PCDH15: variants seen among roughly 807,000 people sequenced by gnomAD.
PCDH15 encodes the protein protocadherin-15.
In PCDH15, 129 loss-of-function variants were observed where a neutral mutation model predicts 178.5. The observed-to-expected ratio is 0.72, with a 90% CI of 0.63 to 0.84. PCDH15 has a LOEUF of 0.84. PCDH15 is among the 40% of genes least tolerant of loss of function. The pLI is 0.00. For synonymous variants in PCDH15, 800 were observed against 732.0 expected (o/e 1.09, Z -1.50); for missense variants, 2,230 against 2,099.9 (o/e 1.06, Z -1.21).
At chr10:54,655,182 G>A (rs1453865464) in intron 2 of PCDH15, among the ~76,000 whole-genome samples, 2 of 149,596 alleles carry the variant, frequency 1.3e-5, no homozygotes, top group Non-Finnish European at 3.0e-5. Flanking sequence ...CTGCACTCCA[G>A]CCTGGGCACA....
intron 1 of PCDH15, among the ~76,000 whole-genome samples, chr10:54,742,223 A>C (rs1328343134): frequency 6.6e-6 from 1 of 152,078 alleles, no homozygotes; most frequent in East Asian, 1.9e-4. Context: ...CTGTGTGGTC[A>C]TGAAAGAAGT....
intron 1 of PCDH15, among the ~76,000 whole-genome samples, chr10:55,229,938 G>T (rs1841162799): frequency 6.6e-6 from 1 of 151,940 alleles, no homozygotes; most frequent in Admixed American, 6.6e-5. Context: ...GACAATAATA[G>T]TAACCTGCTG....
chr10:53,871,754 T>TGTTTC (rs2079877723), intron 26 of PCDH15, among the ~76,000 whole-genome samples: 1 of 152,002 alleles, frequency 6.6e-6, no homozygotes. Context: ...TGTTTTGTTT[T>TGTTTC]GTTTTGTTTT....
At chr10:54,482,013 CAT>C (rs1207547916) in intron 3 of PCDH15, among the ~76,000 whole-genome samples, 1 of 151,710 alleles carries the variant, frequency 6.6e-6, no homozygotes, top group Non-Finnish European at 1.5e-5. Flanking sequence ...CTTCAAATCT[CAT>C]AAGGGATCAG....
chr10:55,202,845 TGAA>T (rs146946964), intron 1 of PCDH15, among the ~76,000 whole-genome samples: 38 of 152,254 alleles, frequency 2.5e-4, no homozygotes, highest in Non-Finnish European at 4.3e-4. Flanking sequence ...CTGCCTGCTG[TGAA>T]GAAGGTGCTT....
intron 25 of PCDH15, among the ~76,000 whole-genome samples, chr10:53,930,757 T>C (rs2084987936): frequency 6.6e-6 from 1 of 152,146 alleles, no homozygotes; most frequent in African/African-American, 2.4e-5. Context: ...GTTTCTTCCC[T>C]ACTACATAAA....
At chr10:54,624,185 G>A (rs184999873) in intron 2 of PCDH15, among the ~76,000 whole-genome samples, 1 of 152,118 alleles carries the variant, frequency 6.6e-6, no homozygotes, top group East Asian at 1.9e-4. Flanking sequence ...ACTTAAAATA[G>A]GGTAAAGAAA....
chr10:55,514,709 TTTATGAAC>T (rs1840969273), intron 2 of PCDH15, among the ~76,000 whole-genome samples: 1 of 152,094 alleles, frequency 6.6e-6, no homozygotes, highest in Non-Finnish European at 1.5e-5. Flanking sequence ...TGATAAGGGT[TTTATGAAC>T]TACAGTCAAA....
intron 5 of PCDH15, among the ~76,000 whole-genome samples, chr10:54,347,126 A>G (rs1259142199): frequency 6.6e-6 from 1 of 152,154 alleles, no homozygotes; most frequent in African/African-American, 2.4e-5. Flanking sequence ...TTGATGTGTG[A>G]CCTAAATTGC....
intron 2 of PCDH15, chr10:54,575,329 T>G (rs549349028): frequency 6.5e-6 from 1 of 153,012 alleles, no homozygotes; most frequent in Non-Finnish European, 1.5e-5. Context: ...TGGCCTGTTT[T>G]ATTATTTCTC....
chr10:53,807,403 T>TA (rs1172589861), intron 37 of PCDH15, among the ~76,000 whole-genome samples: 1 of 152,150 alleles, frequency 6.6e-6, no homozygotes, highest in Non-Finnish European at 1.5e-5. Context: ...TAGATCAAAT[T>TA]ACTGATCCAC....
At chr10:55,180,688 T>A (rs181346588) in intron 1 of PCDH15, among the ~76,000 whole-genome samples, 26 of 152,282 alleles carry the variant, frequency 1.7e-4, no homozygotes, top group Admixed American at 1.4e-3. Flanking sequence ...ATTGTAAATT[T>A]GTTTGCATAT....
chr10:54,319,083 AG>A (rs1214076929), intron 7 of PCDH15, among the ~76,000 whole-genome samples: 1 of 152,206 alleles, frequency 6.6e-6, no homozygotes, highest in Non-Finnish European at 1.5e-5. Context: ...TCCATTGTCA[AG>A]GGTGGTGGTG....
chr10:54,969,508 C>T (rs1335945370), intron 2 of PCDH15, among the ~76,000 whole-genome samples: 3 of 152,132 alleles, frequency 2.0e-5, no homozygotes, highest in Non-Finnish European at 2.9e-5. Context: ...CAGGTAGTTT[C>T]CTTAGATGTC....
chr10:54,718,478 G>T (rs1334731195), intron 1 of PCDH15, among the ~76,000 whole-genome samples: 1 of 151,906 alleles, frequency 6.6e-6, no homozygotes, highest in African/African-American at 2.4e-5. Flanking sequence ...AGACTCTTTA[G>T]CCCTGAAAGC....
chr10:54,002,384 C>T (rs1444787831), intron 20 of PCDH15, among the ~76,000 whole-genome samples: 1 of 152,048 alleles, frequency 6.6e-6, no homozygotes, highest in Non-Finnish European at 1.5e-5. Context: ...CCAACACCTG[C>T]AGAATACACA....
At chr10:54,834,732 G>T (rs1184632314) in intron 3 of PCDH15, among the ~76,000 whole-genome samples, 2 of 152,088 alleles carry the variant, frequency 1.3e-5, no homozygotes, top group Non-Finnish European at 2.9e-5. Flanking sequence ...GATCCATTTA[G>T]ACAGGATTTA....
At chr10:54,752,622 AC>A (rs2133010080) in intron 1 of PCDH15, among the ~76,000 whole-genome samples, 1 of 152,108 alleles carries the variant, frequency 6.6e-6, no homozygotes, top group African/African-American at 2.4e-5. Flanking sequence ...AATATATTCA[AC>A]TCAGTGACTC....
intron 2 of PCDH15, among the ~76,000 whole-genome samples, chr10:55,514,987 A>ATTTTT (rs35469059): frequency 1.7e-5 from 2 of 120,264 alleles, no homozygotes; most frequent in Non-Finnish European, 1.7e-5. Flanking sequence ...AGATAGATAG[A>ATTTTT]TTTTTTTTTT....
Sources: gnomAD v4.1 joint callset for allele counts (sites outside exome capture counted in the v4.1 genomes callset) on GRCh38, gnomAD v4.1.1 for gene constraint, MANE v1.5 for transcripts, NCBI Gene and HGNC (gene_info 2026-07-23, HGNC 2026-07-21) for gene names.